PCDH7: variants seen among roughly 807,000 people sequenced by gnomAD.
The protein encoded by PCDH7 is protocadherin 7, also known as protocadherin-7.
A neutral mutation model predicts 58.9 loss-of-function variants in PCDH7; 17 were observed. That is an observed-to-expected ratio of 0.29 (90% confidence interval 0.20 to 0.43). The LOEUF is 0.43. PCDH7 is among the 20% of genes least tolerant of loss of function. The pLI, the probability that PCDH7 is intolerant of heterozygous loss-of-function variation, is 1.00. For missense variants in PCDH7, 1,274 were observed against 1,441.0 expected (o/e 0.88, Z 1.88); for synonymous variants, 664 against 616.4 (o/e 1.08, Z -1.14).
intron 2 of PCDH7, among the ~76,000 whole-genome samples, chr4:30,931,422 A>G (rs948372883): frequency 1.3e-5 from 2 of 152,104 alleles, no homozygotes; most frequent in Admixed American, 6.6e-5. Context: ...TTAAAAATAC[A>G]AAATTAGCTG....
rs377698762 is a variant in PCDH7, at chr4:30,728,675, A to T, written c.3175-2078A>T. ...AAGTCCACATGATTATTTGAATCTTATCCAAAACTTATCCTAAACCAATTA... is the reference window on the plus strand; with the variant it reads ...AAGTCCACATGATTATTTGAATCTTTTCCAAAACTTATCCTAAACCAATTA... On this transcript the variant is annotated intron_variant, in intron 1 of 1. Transcript: ENST00000361762. Among the ~76,000 whole-genome samples, 3 of 151,870 alleles carry T rather than the reference A, an allele frequency of 2.0e-5. 1 individual carries two copies. Among genetic ancestry groups the T allele is most frequent in the African/African-American group, 4.8e-5 (2 of 41,426 alleles).
chr4:30,749,408 A>T (rs1718208800), intron 1 of PCDH7, among the ~76,000 whole-genome samples: 2 of 152,130 alleles, frequency 1.3e-5, no homozygotes, highest in South Asian at 2.1e-4. Context: ...TAGTGGGAAG[A>T]GAGGAGGAAA....
intron 3 of PCDH7, among the ~76,000 whole-genome samples, chr4:31,128,000 T>C (rs1327929829): frequency 6.6e-6 from 1 of 151,710 alleles, no homozygotes; most frequent in African/African-American, 2.4e-5. Context: ...TGTGTGCATA[T>C]ATATGTGTGT....
At chr4:31,097,624 ATATATATATAT>A (rs1300740521) in intron 3 of PCDH7, among the ~76,000 whole-genome samples, 815 of 41,140 alleles carry the variant, frequency 0.02, 70 homozygotes, top group African/African-American at 0.083. Context: ...ATATATATAT[ATATATATATAT>A]ATAAATCTTT....
At chr4:31,002,896 C>T (rs1752466926) in intron 3 of PCDH7, among the ~76,000 whole-genome samples, 1 of 152,174 alleles carries the variant, frequency 6.6e-6, no homozygotes, top group South Asian at 2.1e-4. Context: ...CTCATACCAG[C>T]CTGAGCGTCT....
At chr4:30,795,613 C>T (rs946126170) in intron 1 of PCDH7, among the ~76,000 whole-genome samples, 3 of 152,230 alleles carry the variant, frequency 2.0e-5, no homozygotes, top group Admixed American at 1.3e-4. Flanking sequence ...ACACCAGTCA[C>T]TAACTAGGCT....
intron 3 of PCDH7, among the ~76,000 whole-genome samples, chr4:30,951,451 C>A (rs1747361540): frequency 6.6e-6 from 1 of 152,032 alleles, no homozygotes; most frequent in Non-Finnish European, 1.5e-5. Context: ...ATATTCCTTG[C>A]CTTTATATTT....
At chr4:31,098,801 C>T (rs1038407357) in intron 3 of PCDH7, among the ~76,000 whole-genome samples, 1 of 152,108 alleles carries the variant, frequency 6.6e-6, no homozygotes, top group Non-Finnish European at 1.5e-5. Flanking sequence ...AACACAATAC[C>T]ACAGACTGGG....
chr4:30,871,227 C>T (rs1356780653), intron 1 of PCDH7, among the ~76,000 whole-genome samples: 1 of 152,032 alleles, frequency 6.6e-6, no homozygotes, highest in Non-Finnish European at 1.5e-5. Flanking sequence ...TAAAATCATT[C>T]CAAGGACTTA....
rs528664534 is a variant in PCDH7, at chr4:31,021,275, C to G, written c.*7+71060C>G. On this transcript the variant is annotated intron_variant, in intron 3 of 3. Transcript: ENST00000509759. ...TTATCTCAAGTGGTCTTACATAGCC[C>G]CTAGGGAAATGCAGGTTATAACTAC... 2.0e-5 allele frequency among the ~76,000 whole-genome samples: 3 copies of G among 152,022 alleles called. No individual in the cohort carries two copies. The South Asian group carries it at 6.2e-4, about 32-fold the overall frequency.
intron 3 of PCDH7, among the ~76,000 whole-genome samples, chr4:31,062,623 T>G (rs746821053): frequency 6.6e-6 from 1 of 151,822 alleles, no homozygotes; most frequent in Non-Finnish European, 1.5e-5. Flanking sequence ...CTACTGCCAA[T>G]GAAAATCAAT....
intron 3 of PCDH7, among the ~76,000 whole-genome samples, chr4:31,126,126 CTTTTT>C (rs555596051): frequency 7.8e-6 from 1 of 128,350 alleles, no homozygotes; most frequent in Admixed American, 7.9e-5. Flanking sequence ...CATATCCTTT[CTTTTT>C]TTTTTTTTTT....
At chr4:30,965,464 A>C (rs953569240) in intron 3 of PCDH7, among the ~76,000 whole-genome samples, 2 of 151,964 alleles carry the variant, frequency 1.3e-5, no homozygotes, top group African/African-American at 4.8e-5. Context: ...TTTTATGTTA[A>C]ATTTGTTTGA....
intron 2 of PCDH7, among the ~76,000 whole-genome samples, chr4:30,924,422 A>G (rs1743583554): frequency 6.6e-6 from 1 of 152,204 alleles, no homozygotes; most frequent in South Asian, 2.1e-4. Context: ...TATAGAATGG[A>G]GACATTTGTC....
chr4:31,022,945 A>G (rs1754144775), intron 3 of PCDH7, among the ~76,000 whole-genome samples: 1 of 152,226 alleles, frequency 6.6e-6, no homozygotes, highest in South Asian at 2.1e-4. Context: ...CACGGGAAAG[A>G]TAAAGGAGAA....
At chr4:31,044,212 G>T (rs941853136) in intron 3 of PCDH7, among the ~76,000 whole-genome samples, 1 of 152,082 alleles carries the variant, frequency 6.6e-6, no homozygotes, top group African/African-American at 2.4e-5. Context: ...AAAGAAATTA[G>T]CAGGTTATGC....
At chr4:30,751,551 T>C (rs1718525033) in intron 1 of PCDH7, among the ~76,000 whole-genome samples, 1 of 152,158 alleles carries the variant, frequency 6.6e-6, no homozygotes, top group African/African-American at 2.4e-5. Context: ...AGTTTATAGG[T>C]TATATAATTG....
chr4:30,739,625 A>T (rs1431041117), intron 1 of PCDH7, among the ~76,000 whole-genome samples: 1 of 152,142 alleles, frequency 6.6e-6, no homozygotes, highest in African/African-American at 2.4e-5. Context: ...CTCTGTTACT[A>T]AAACTTGATG....
At chr4:30,725,813 A>G (rs562780245) in intron 1 of PCDH7, among the ~76,000 whole-genome samples, 1 of 152,150 alleles carries the variant, frequency 6.6e-6, no homozygotes, top group Admixed American at 6.5e-5. Flanking sequence ...ATTGAAGATT[A>G]TAGTTATAGA....
Sources: allele counts gnomAD v4.1 joint callset (sites outside exome capture counted in the v4.1 genomes callset), GRCh38; gene constraint gnomAD v4.1.1; transcripts MANE v1.5; gene names NCBI Gene and HGNC (gene_info 2026-07-23, HGNC 2026-07-21).